Variants in FNDC3B observed in about 807,000 individuals in gnomAD.
The protein encoded by FNDC3B is fibronectin type III domain containing 3B.
In FNDC3B, 12 loss-of-function variants were observed where a neutral mutation model predicts 151.5. The observed-to-expected ratio is 0.08, with a 90% CI of 0.05 to 0.13. FNDC3B has a LOEUF of 0.13. Ranked by LOEUF, FNDC3B falls within the 10% of genes least tolerant of loss-of-function variation. FNDC3B has a pLI of 1.00. For missense variants in FNDC3B, 1,214 were observed against 1,505.3 expected (o/e 0.81, Z 3.20); for synonymous variants, 528 against 549.0 (o/e 0.96, Z 0.54).
At chr3:172,222,663 C>T (rs564787792) in intron 3 of FNDC3B, among the ~76,000 whole-genome samples, 8 of 152,246 alleles carry the variant, frequency 5.3e-5, no homozygotes, top group Middle Eastern at 3.4e-3. Context: ...CGATAGGGTT[C>T]GCTGCTGATT....
chr3:172,235,789 T>C (rs973180397), intron 4 of FNDC3B, among the ~76,000 whole-genome samples: 2 of 152,236 alleles, frequency 1.3e-5, no homozygotes, highest in Non-Finnish European at 2.9e-5. Context: ...ATGTAAGGAA[T>C]TATTTTATGT....
chr3:172,286,216 C>CTAATGCATCTAATATCTAA (rs1730009258), intron 7 of FNDC3B, among the ~76,000 whole-genome samples: 3 of 151,968 alleles, frequency 2.0e-5, no homozygotes, highest in Non-Finnish European at 4.4e-5. Flanking sequence ...TTTAGGTATT[C>CTAATGCATCTAATATCTAA]TGAATGCAAT....
chr3:172,303,417 G>A lies in FNDC3B; in HGVS notation c.1062-3946G>A, dbSNP rs73033116. Among the ~76,000 whole-genome samples, 326 of 152,252 alleles carry A rather than the reference G, an allele frequency of 2.1e-3. 2 individuals are homozygous for A. The highest frequency in any genetic ancestry group is 7.4e-3 in the African/African-American group (309 of 41,532). ...AAATATGGTTGACAAGCACAGTGAA[G>A]GATTATAAAATACATGTTATTGACC... On this transcript the variant is annotated intron_variant, in intron 9 of 25. Transcript: ENST00000415807.
chr3:172,065,488 C>A (rs1717453555), intron 1 of FNDC3B, among the ~76,000 whole-genome samples: 3 of 152,068 alleles, frequency 2.0e-5, no homozygotes, highest in African/African-American at 7.2e-5. Context: ...AGGATCACAC[C>A]CGAAGAAATG....
intron 8 of FNDC3B, among the ~76,000 whole-genome samples, chr3:172,297,181 A>G (rs1730657605): frequency 6.6e-6 from 1 of 152,198 alleles, no homozygotes; most frequent in Non-Finnish European, 1.5e-5. Flanking sequence ...GAATTATTAT[A>G]CAAACTTCCC....
chr3:172,268,300 A>G (rs1729021527), intron 6 of FNDC3B, among the ~76,000 whole-genome samples: 2 of 152,152 alleles, frequency 1.3e-5, no homozygotes, highest in South Asian at 2.1e-4. Flanking sequence ...AAAACTCTGT[A>G]TTTGCTGTGG....
chr3:172,076,938 A>G (rs1237131125), intron 1 of FNDC3B, among the ~76,000 whole-genome samples: 8 of 152,220 alleles, frequency 5.3e-5, no homozygotes, highest in African/African-American at 1.7e-4. Flanking sequence ...ATATTAGGGC[A>G]AGAGATTTGA....
rs1736429444 is a variant in FNDC3B at position 172,399,038 on chromosome 3, A to G, written c.*1563A>G. The G allele has an allele frequency of 6.6e-6, 1 of 152,566 alleles. No homozygotes were observed. Among genetic ancestry groups the G allele is most frequent in the African/African-American group, 2.4e-5 (1 of 41,442 alleles). The allele number at this position is 152,566 out of a possible 1,614,324, so 9.5% of individuals were successfully genotyped here. A position where few individuals can be genotyped will look rare whatever the true frequency, so the allele number is the denominator to read the frequency against. On this transcript the variant is annotated 3_prime_UTR_variant, in exon 26 of 26. Coordinates refer to ENST00000415807, the MANE Select transcript of FNDC3B (RefSeq NM_022763.4). ...TATTTTTGCTACTTGGTTTTTCTTG[A>G]TCATAGCTATTTTGTGCTTGATCTT...
chr3:172,388,857 G>A (rs572584346), intron 25 of FNDC3B, among the ~76,000 whole-genome samples: 2 of 152,306 alleles, frequency 1.3e-5, no homozygotes, highest in South Asian at 4.1e-4. Flanking sequence ...GTACAGTCAA[G>A]TAGCAATATA....
intron 2 of FNDC3B, among the ~76,000 whole-genome samples, chr3:172,122,985 A>G (rs1242500346): frequency 6.6e-6 from 1 of 152,198 alleles, no homozygotes; most frequent in Non-Finnish European, 1.5e-5. Flanking sequence ...ATTTGAAGGG[A>G]CATGGACTTG....
chr3:172,156,814 G>C (rs1722510158), intron 3 of FNDC3B, among the ~76,000 whole-genome samples: 1 of 151,926 alleles, frequency 6.6e-6, no homozygotes, highest in African/African-American at 2.4e-5. Context: ...TCGAATTCCA[G>C]GTCAAATCAC....
intron 1 of FNDC3B, among the ~76,000 whole-genome samples, chr3:172,049,011 A>G (rs890773791): frequency 2.0e-5 from 3 of 152,218 alleles, no homozygotes; most frequent in African/African-American, 7.2e-5. Flanking sequence ...GTTTGGGATG[A>G]TAAAAAATTT....
intron 1 of FNDC3B, among the ~76,000 whole-genome samples, chr3:172,090,228 C>T (rs1718745771): frequency 6.6e-6 from 1 of 152,096 alleles, no homozygotes; most frequent in African/African-American, 2.4e-5. Context: ...CAGGCAGGTC[C>T]TTGGTGCTTT....
At chr3:172,227,820 TTTCTC>T (rs1233054642) in intron 4 of FNDC3B, among the ~76,000 whole-genome samples, 6 of 152,204 alleles carry the variant, frequency 3.9e-5, no homozygotes, top group African/African-American at 1.2e-4. Context: ...GGATTTTTCT[TTTCTC>T]TACTCTTTCT....
chr3:172,322,139 G>T (rs2108272345), intron 11 of FNDC3B, among the ~76,000 whole-genome samples: 1 of 152,300 alleles, frequency 6.6e-6, no homozygotes, highest in East Asian at 1.9e-4. Flanking sequence ...ACAGGGCACT[G>T]GGGAGTGGCA....
intron 5 of FNDC3B, among the ~76,000 whole-genome samples, chr3:172,249,146 A>G (rs1727937135): frequency 1.3e-5 from 2 of 152,120 alleles, no homozygotes; most frequent in Admixed American, 6.5e-5. Context: ...AACATGCATT[A>G]AATAATTGAG....
intron 3 of FNDC3B, among the ~76,000 whole-genome samples, chr3:172,195,752 G>A (rs1724790073): frequency 6.6e-6 from 1 of 152,166 alleles, no homozygotes; most frequent in Non-Finnish European, 1.5e-5. Flanking sequence ...TGAGGAATAG[G>A]ATGAGCTGTT....
chr3:172,352,927 A>T lies in FNDC3B; in HGVS notation c.2639A>T (p.Asp880Val), dbSNP rs1447116068. ...LEEEPLDAYP[D>V]SPSACLVLNW... ...GAGGAGCCCCTTGATGCCTACCCTGATTCACCTTCTGCGTGCCTTGTACTG... is the reference window on the plus strand; with the variant it reads ...GAGGAGCCCCTTGATGCCTACCCTGTTTCACCTTCTGCGTGCCTTGTACTG... The change falls in exon 22 of 26, where the codon GAT becomes GTT. Residue 880 changes from aspartate (D) to valine (V), a missense_variant. By Grantham distance (152) the Asp-to-Val change is radical. Transcript: ENST00000415807. The surrounding 1 kb of genome is among the most constrained non-coding windows in gnomAD (Gnocchi z 4.2). The T allele has an allele frequency of 6.2e-7, 1 of 1,614,110 alleles. No individual in the cohort carries two copies. The highest frequency in any genetic ancestry group is 1.1e-5 in the South Asian group (1 of 91,084).
intron 6 of FNDC3B, among the ~76,000 whole-genome samples, chr3:172,275,131 C>T (rs926453866): frequency 1.3e-5 from 2 of 152,164 alleles, no homozygotes; most frequent in African/African-American, 4.8e-5. Flanking sequence ...AGGGTTTATA[C>T]ACCTCAGCTG....
Sources: gnomAD v4.1 joint callset for allele counts (sites outside exome capture counted in the v4.1 genomes callset) on GRCh38, gnomAD v4.1.1 for gene constraint, Gnocchi (gnomAD v3.1) non-coding constraint, MANE v1.5 for transcripts, NCBI Gene and HGNC (gene_info 2026-07-23, HGNC 2026-07-21) for gene names.